Variants in MMP2 observed in about 807,000 individuals in gnomAD.
The protein encoded by MMP2 is matrix metallopeptidase 2.
A neutral mutation model predicts 74.8 loss-of-function variants in MMP2; 39 were observed. That is an observed-to-expected ratio of 0.52 (90% CI 0.40 to 0.68). The LOEUF (loss-of-function observed/expected upper bound fraction) is 0.68, where lower values mean the gene tolerates loss of function less well. MMP2 is among the 30% of genes least tolerant of loss of function. The pLI, the probability that MMP2 is intolerant of heterozygous loss-of-function variation, is 0.00. For missense variants in MMP2, 803 were observed against 878.3 expected (o/e 0.91, Z 1.08); for synonymous variants, 367 against 339.8 (o/e 1.08, Z -0.88).
At chr16:55,495,240 C>T (rs1178238490) in intron 9 of MMP2, among the ~76,000 whole-genome samples, 16 of 152,208 alleles carry the variant, frequency 1.1e-4, no homozygotes, top group Admixed American at 9.8e-4. Context: ...CAATGTGCTT[C>T]ATCTGGAGCT....
chr16:55,491,498 T>A (rs1188171414), intron 7 of MMP2, among the ~76,000 whole-genome samples: 1 of 152,146 alleles, frequency 6.6e-6, no homozygotes, highest in East Asian at 1.9e-4. Flanking sequence ...GGGTTTTAAG[T>A]AGAAAATTCG....
In MMP2 at chr16:55,489,805, G is replaced by C; in HGVS notation, c.1161G>C (p.Trp387Cys). Residue 387 changes from tryptophan (W) to cysteine (C), a missense_variant, in exon 7 of 13, where the codon TGG (tryptophan) becomes TGC (cysteine). Coordinates refer to ENST00000219070, the MANE Select transcript of MMP2 (RefSeq NM_004530.6). ...CCAACTACGATGATGACCGCAAGTGGGGCTTCTGCCCTGACCAAGGTACGA... is the reference window on the plus strand; with the variant it reads ...CCAACTACGATGATGACCGCAAGTGCGGCTTCTGCCCTGACCAAGGTACGA... ...TTANYDDDRK[W>C]GFCPDQGYSL... The C allele has an allele frequency of 6.2e-7, 1 of 1,614,054 alleles. No individual in the cohort carries two copies. The highest frequency in any genetic ancestry group is 8.5e-7 in the Non-Finnish European group (1 of 1,179,992).
At position 55,479,374 on chromosome 16, in the gene MMP2, G is replaced by T; in HGVS notation, c.-106G>T. On this transcript the variant is annotated 5_prime_UTR_variant, in exon 1 of 13. Coordinates refer to ENST00000219070, the MANE Select transcript of MMP2 (RefSeq NM_004530.6). Reference sequence around the variant, plus strand: ...CAGGCCACCGAGCCAGCGGACCCTCGGAGCGCAGCCCTGCGCCGCGGAGCA... The same window carrying T: ...CAGGCCACCGAGCCAGCGGACCCTCTGAGCGCAGCCCTGCGCCGCGGAGCA... 5.5e-6 allele frequency: 7 copies of T among 1,277,410 alleles called. No homozygotes were observed. The highest frequency in any genetic ancestry group is 7.0e-6 in the Non-Finnish European group (7 of 1,002,712). The allele number at this position is 1,277,410 out of a possible 1,614,324, so 79.1% of individuals were successfully genotyped here.
At chr16:55,483,944 C>T in intron 2 of MMP2, 72 bp from the exon 3 acceptor site, 1 of 1,524,230 alleles carries the variant, frequency 6.6e-7, no homozygotes, top group Non-Finnish European at 9.1e-7. Context: ...CATCTGTGCA[C>T]ACACACATAC....
At chr16:55,483,671 C>T (rs553897319) in intron 2 of MMP2, among the ~76,000 whole-genome samples, 2 of 152,202 alleles carry the variant, frequency 1.3e-5, no homozygotes, top group South Asian at 2.1e-4. Context: ...CCCCATAATG[C>T]ACTACTTATG....
Position 55,485,435 on chromosome 16 carries a change from AG to A in MMP2, c.658+12del. The A allele has an allele frequency of 6.2e-7, 1 of 1,614,064 alleles. No homozygotes were observed. On this transcript the variant is annotated intron_variant, in intron 4 of 12. Coordinates refer to ENST00000219070, the MANE Select transcript of MMP2 (RefSeq NM_004530.6). Reference sequence around the variant, plus strand: ...CCTTGGGAGAAGGCCAAGGTGAGAAAGGGGCCCTCTGCATGCCCCAGACCTT... The same window carrying A: ...CCTTGGGAGAAGGCCAAGGTGAGAAAGGGCCCTCTGCATGCCCCAGACCTT...
At chr16:55,481,869 C>A in intron 1 of MMP2, 1 of 763,874 alleles carries the variant, frequency 1.3e-6, no homozygotes, top group East Asian at 2.5e-5. Context: ...AGGTGCTTAC[C>A]TAGCACATGG....
chr16:55,479,688 G>A (rs1962047730), intron 1 of MMP2, 56 bp downstream of exon 1: 3 of 1,609,796 alleles, frequency 1.9e-6, no homozygotes, highest in African/African-American at 1.3e-5. Context: ...CGGAGGCAAA[G>A]GATGGGGGTG....
intron 1 of MMP2, 76 bp downstream of exon 1, chr16:55,479,708 CT>C (rs1249899314): frequency 3.1e-6 from 5 of 1,593,080 alleles, no homozygotes; most frequent in Admixed American, 1.7e-5. Context: ...GTCTCTCCCC[CT>C]GCCCTCGGCG....
chr16:55,505,303 A>T (rs1384309502), intron 12 of MMP2, 36 bp from the exon 13 acceptor site: 1 of 1,552,144 alleles, frequency 6.4e-7, no homozygotes, highest in Admixed American at 1.7e-5. Context: ...GAATGTCAGG[A>T]TAAGGGGGTC....
chr16:55,493,180 T>G lies in MMP2; in HGVS notation c.1359T>G (p.Leu453=). The change falls in exon 9 of 13, where the codon CTT becomes CTG. Residue 453 remains leucine, a synonymous_variant. Coordinates refer to ENST00000219070, the MANE Select transcript of MMP2 (RefSeq NM_004530.6). ...CAGGGGCCTCTCCTGACATTGACCT[T>G]GGCACCGGCCCCACCCCCACGCTGG... The part of the protein sequence containing the change: ...ELYGASPDID[L]GTGPTPTLGP... 6.2e-7 allele frequency: 1 copy of G among 1,613,994 alleles called. No individual in the cohort carries two copies. The highest frequency in any genetic ancestry group is 1.1e-5 in the South Asian group (1 of 91,068).
intron 9 of MMP2, among the ~76,000 whole-genome samples, chr16:55,495,880 G>C (rs1449130861): frequency 1.3e-5 from 2 of 152,136 alleles, no homozygotes; most frequent in African/African-American, 2.4e-5. Flanking sequence ...AGTGGCAGTT[G>C]GGGCTCTAAT....
At chr16:55,484,222 G>T (rs1962183432) in intron 3 of MMP2, 58 bp downstream of exon 3, 9 of 1,582,920 alleles carry the variant, frequency 5.7e-6, no homozygotes, top group South Asian at 5.6e-5. Flanking sequence ...AGACGAGGGG[G>T]TGAGATGGAC....
At chr16:55,505,197 C>A in intron 12 of MMP2, 142 bp from the exon 13 acceptor site, 1 of 791,384 alleles carries the variant, frequency 1.3e-6, no homozygotes. Flanking sequence ...TCAAGCAATC[C>A]TCCTGCCTCA....
chr16:55,488,026 A>G, intron 5 of MMP2: 1 of 204,430 alleles, frequency 4.9e-6, no homozygotes, highest in Non-Finnish European at 9.9e-6. Context: ...AGAGATTGAG[A>G]TTAGTGTGTT....
At chr16:55,501,473 A>G (rs1349965858) in intron 11 of MMP2, among the ~76,000 whole-genome samples, 2 of 152,228 alleles carry the variant, frequency 1.3e-5, no homozygotes, top group Non-Finnish European at 2.9e-5. Context: ...AAACTATCCT[A>G]ACGCTAGGGA....
At chr16:55,488,885 G>T (rs1962329720) in intron 6 of MMP2, 169 bp downstream of exon 6, 1 of 732,396 alleles carries the variant, frequency 1.4e-6, no homozygotes, top group Non-Finnish European at 2.3e-6. Context: ...CAGGATACTT[G>T]TCACCTGGTA....
At chr16:55,479,744 GCTTCGGTAAACAGCTTGGGGGGT>G in intron 1 of MMP2, 112 bp downstream of exon 1, 1 of 1,414,380 alleles carries the variant, frequency 7.1e-7, no homozygotes, top group Non-Finnish European at 9.8e-7. Context: ...TGGGGGAGGG[GCTTCGGTAAACAGCTTGGGGGGT>G]CTTTGGCAAG....
At chr16:55,493,590 G>A (rs1450391080) in intron 9 of MMP2, among the ~76,000 whole-genome samples, 1 of 152,200 alleles carries the variant, frequency 6.6e-6, no homozygotes, top group Non-Finnish European at 1.5e-5. Context: ...ACTCATGGCA[G>A]ATGACAGGGT....
Sources: allele counts gnomAD v4.1 joint callset (sites outside exome capture counted in the v4.1 genomes callset), GRCh38; gene constraint gnomAD v4.1.1; transcripts MANE v1.5; gene names NCBI Gene and HGNC (gene_info 2026-07-23, HGNC 2026-07-21).